EYA1: variants seen among roughly 807,000 people sequenced by gnomAD.
The protein encoded by EYA1 is EYA transcriptional coactivator and phosphatase 1, also known as protein phosphatase EYA1.
Under a neutral mutation model 82.0 loss-of-function variants are expected in EYA1, and 16 were observed. The ratio of observed to expected loss-of-function variants is 0.20; its 90% CI spans 0.13 to 0.30. The LOEUF (loss-of-function observed/expected upper bound fraction) is 0.30. Ranked by LOEUF, EYA1 falls within the 10% of genes least tolerant of loss-of-function variation. The pLI is 1.00. For synonymous variants in EYA1, 261 were observed against 264.4 expected (o/e 0.99, Z 0.12); for missense variants, 633 against 730.7 (o/e 0.87, Z 1.54).
In EYA1 at chr8:71,215,617, G is replaced by C. The variant is rs769175446; in HGVS notation, c.1472C>G (p.Ser491Cys). 3.7e-6 allele frequency: 6 copies of C among 1,613,778 alleles called. No homozygotes were observed. In the South Asian group the frequency reaches 5.5e-5, roughly 15 times the overall value. Residue 491 changes from serine (S) to cysteine (C), a missense_variant, in exon 15 of 18, where the codon TCC becomes TGC. By Grantham distance (112) the Ser-to-Cys change is moderately radical. Transcript: ENST00000340726. ...LALKALSLIH[S>C]RTNCVNILVT... ...AAGACCCCGCAGAGAGCCTCACCGG[G>C]AGTGAATGAGCGAGAGTGCTTTCAG...
At chr8:71,305,913 T>A (rs1269854485) in intron 7 of EYA1, among the ~76,000 whole-genome samples, 2 of 152,218 alleles carry the variant, frequency 1.3e-5, no homozygotes, top group Non-Finnish European at 2.9e-5. Flanking sequence ...CAAGTTAGTT[T>A]CATTAACAGC....
intron 11 of EYA1, among the ~76,000 whole-genome samples, chr8:71,254,301 C>T (rs937677859): frequency 2.7e-5 from 4 of 147,916 alleles, no homozygotes; most frequent in Non-Finnish European, 5.9e-5. Context: ...AAGCAAGCTC[C>T]TAGATCTAGC....
At chr8:71,265,238 T>C (rs1365630045) in intron 11 of EYA1, among the ~76,000 whole-genome samples, 2 of 152,298 alleles carry the variant, frequency 1.3e-5, no homozygotes, top group South Asian at 2.1e-4. Context: ...TTTTTTATGC[T>C]AGACATGGTG....
intron 2 of EYA1, among the ~76,000 whole-genome samples, chr8:71,480,369 C>T (rs933222557): frequency 6.6e-6 from 1 of 152,074 alleles, no homozygotes; most frequent in African/African-American, 2.4e-5. Context: ...CAGGGAAGCA[C>T]CTTTGTTTGC....
At chr8:71,407,916 A>T (rs2129136161) in intron 2 of EYA1, among the ~76,000 whole-genome samples, 1 of 146,738 alleles carries the variant, frequency 6.8e-6, no homozygotes, top group Non-Finnish European at 1.5e-5. Flanking sequence ...AAGACACGTA[A>T]TTGTCAGATT....
chr8:71,465,748 A>C (rs1222236005), intron 2 of EYA1, among the ~76,000 whole-genome samples: 1 of 152,236 alleles, frequency 6.6e-6, no homozygotes, highest in East Asian at 1.9e-4. Context: ...GTCCCCTCCA[A>C]AATTCGTGTT....
chr8:71,481,833 G>T (rs1466530359), intron 2 of EYA1, among the ~76,000 whole-genome samples: 1 of 152,068 alleles, frequency 6.6e-6, no homozygotes, highest in Non-Finnish European at 1.5e-5. Flanking sequence ...AAGGAAGGAG[G>T]AGCAGGAGGA....
intron 11 of EYA1, among the ~76,000 whole-genome samples, chr8:71,245,814 T>C (rs1563685810): frequency 6.6e-6 from 1 of 152,150 alleles, no homozygotes; most frequent in Admixed American, 6.5e-5. Context: ...AGGGAGCTGA[T>C]CTTAAGATTC....
chr8:71,198,991 T>C lies in EYA1; in HGVS notation c.*349A>G. 3 of 337,552 alleles carry C rather than the reference T, an allele frequency of 8.9e-6. No homozygotes were observed. The highest frequency in any genetic ancestry group is 8.3e-5 in the South Asian group (3 of 35,938). 20.9% of individuals were successfully genotyped at this position (337,552 alleles called of 1,614,324 possible). A position where few individuals can be genotyped will look rare whatever the true frequency, so the allele number is the denominator to read the frequency against. ...TGTTGTGCAATTAGGTTTGCTGTAT[T>C]GGAGAAGCTGTTTATATCACATTGA... is the stretch of plus-strand genomic sequence containing the variant. On this transcript the variant is annotated 3_prime_UTR_variant, in exon 18 of 18. Transcript: ENST00000340726.
intron 2 of EYA1, among the ~76,000 whole-genome samples, chr8:71,530,335 C>A (rs554878132): frequency 6.6e-6 from 1 of 152,244 alleles, no homozygotes; most frequent in Admixed American, 6.5e-5. Flanking sequence ...CATGGCCCTG[C>A]TAACATGTTG....
intron 3 of EYA1, among the ~76,000 whole-genome samples, chr8:71,336,727 C>G (rs1436196686): frequency 5.3e-5 from 8 of 152,076 alleles, no homozygotes; most frequent in African/African-American, 1.9e-4. Context: ...TCAAACATAC[C>G]CATCTATACA....
At chr8:71,511,351 G>A (rs1812583755) in intron 2 of EYA1, among the ~76,000 whole-genome samples, 2 of 152,166 alleles carry the variant, frequency 1.3e-5, no homozygotes, top group Admixed American at 1.3e-4. Context: ...TAAAACTCAT[G>A]GAAGAGATGA....
intron 2 of EYA1, among the ~76,000 whole-genome samples, chr8:71,499,305 T>G (rs1016408243): frequency 6.6e-6 from 1 of 152,222 alleles, no homozygotes; most frequent in African/African-American, 2.4e-5. Context: ...GAGCACTTTC[T>G]CTATAATAAT....
At chr8:71,506,223 A>C (rs545363764) in intron 2 of EYA1, among the ~76,000 whole-genome samples, 27 of 152,362 alleles carry the variant, frequency 1.8e-4, no homozygotes, top group African/African-American at 6.5e-4. Context: ...TACACAGAGC[A>C]TCAAAGCTGC....
At chr8:71,295,563 C>A (rs1322941195) in intron 9 of EYA1, among the ~76,000 whole-genome samples, 1 of 152,174 alleles carries the variant, frequency 6.6e-6, no homozygotes, top group Non-Finnish European at 1.5e-5. Context: ...ACACTGACAA[C>A]ACCAAATTCT....
intron 2 of EYA1, among the ~76,000 whole-genome samples, chr8:71,485,777 T>C (rs1810519366): frequency 6.6e-6 from 1 of 152,288 alleles, no homozygotes; most frequent in Non-Finnish European, 1.5e-5. Context: ...AGGGCTGAAA[T>C]GTTTCCAAAA....
chr8:71,483,658 G>C (rs896059437), intron 2 of EYA1, among the ~76,000 whole-genome samples: 3 of 150,030 alleles, frequency 2.0e-5, no homozygotes, highest in African/African-American at 7.5e-5. Flanking sequence ...TAGCGTCAAT[G>C]GTATGTGTGT....
At chr8:71,216,490 G>A (rs929583393) in intron 14 of EYA1, among the ~76,000 whole-genome samples, 3 of 152,172 alleles carry the variant, frequency 2.0e-5, no homozygotes, top group Non-Finnish European at 4.4e-5. Context: ...AACAGAGACA[G>A]GACTAGACTG....
At chr8:71,449,706 CCTTTGAAG>C (rs1807200817) in intron 2 of EYA1, among the ~76,000 whole-genome samples, 1 of 152,196 alleles carries the variant, frequency 6.6e-6, no homozygotes, top group South Asian at 2.1e-4. Context: ...GTCAGCCTGA[CCTTTGAAG>C]CTTTGAAACC....
Sources: allele counts gnomAD v4.1 joint callset (sites outside exome capture counted in the v4.1 genomes callset), GRCh38; gene constraint gnomAD v4.1.1; transcripts MANE v1.5; gene names NCBI Gene and HGNC (gene_info 2026-07-23, HGNC 2026-07-21).